SUGCT: variants seen among roughly 807,000 people sequenced by gnomAD.
The protein encoded by SUGCT is succinyl-CoA:glutarate CoA-transferase.
A neutral mutation model predicts 55.0 loss-of-function variants in SUGCT; 41 were observed. That is an observed-to-expected ratio of 0.74 (90% CI 0.58 to 0.97). The LOEUF (loss-of-function observed/expected upper bound fraction) is 0.97, where lower values mean the gene tolerates loss of function less well. Among genes scored for constraint, SUGCT ranks in the 50% least tolerant of loss-of-function variants. The pLI is 0.00. For missense variants in SUGCT, 568 were observed against 547.8 expected, an observed-to-expected ratio of 1.04 and a Z score of -0.37; for synonymous variants, 187 against 200.4, an observed-to-expected ratio of 0.93 and a Z score of 0.56.
intron 12 of SUGCT, chr7:40,546,719 G>A (rs570710194): frequency 6.6e-6 from 1 of 152,220 alleles, no homozygotes; most frequent in Admixed American, 6.5e-5. Flanking sequence ...CTTACCCCAG[G>A]GCATAGTAGC....
chr7:40,291,944 C>A (rs1377103915), intron 8 of SUGCT, among the ~76,000 whole-genome samples: 1 of 152,138 alleles, frequency 6.6e-6, no homozygotes, highest in East Asian at 1.9e-4. Flanking sequence ...CCAGAAGGAA[C>A]CAGCTTTGTC....
intron 9 of SUGCT, among the ~76,000 whole-genome samples, chr7:40,335,933 A>C (rs1200094021): frequency 2.0e-5 from 3 of 152,132 alleles, no homozygotes; most frequent in Non-Finnish European, 4.4e-5. Context: ...TCAATACCTA[A>C]TTTATTGAGA....
chr7:40,289,928 C>T (rs1793627650), intron 8 of SUGCT, among the ~76,000 whole-genome samples: 1 of 152,090 alleles, frequency 6.6e-6, no homozygotes, highest in Non-Finnish European at 1.5e-5. Flanking sequence ...GAATAAAATA[C>T]CTAGGAATCC....
chr7:40,138,071 C>T (rs1183763255), intron 1 of SUGCT, among the ~76,000 whole-genome samples: 1 of 152,134 alleles, frequency 6.6e-6, no homozygotes, highest in Non-Finnish European at 1.5e-5. Context: ...AAGTCAGGGC[C>T]TTCAGTGCAT....
chr7:40,987,910 C>T, the SUGCT span, among the ~76,000 whole-genome samples: 2 of 151,928 alleles, frequency 1.3e-5, no homozygotes, highest in Non-Finnish European at 2.9e-5. Context: ...ATTCTTAAAA[C>T]GTAGTGGTTG....
intron 12 of SUGCT, among the ~76,000 whole-genome samples, chr7:40,646,916 A>G (rs1013307890): frequency 1.3e-5 from 2 of 152,180 alleles, no homozygotes; most frequent in Non-Finnish European, 2.9e-5. Context: ...TGAATGAATC[A>G]GGGTGAGCAG....
At chr7:40,539,002 C>T (rs1355270726) in intron 12 of SUGCT, 4 of 151,772 alleles carry the variant, frequency 2.6e-5, no homozygotes, top group Admixed American at 1.3e-4. Flanking sequence ...TGGCGTGAAC[C>T]CGGGAGGCAG....
intron 13 of SUGCT, among the ~76,000 whole-genome samples, chr7:40,823,352 G>A (rs1288843014): frequency 6.6e-6 from 1 of 151,992 alleles, no homozygotes; most frequent in East Asian, 1.9e-4. Context: ...GGTTAAGACT[G>A]TCTCTACTAC....
chr7:40,530,844 G>GT (rs955487258), intron 12 of SUGCT, among the ~76,000 whole-genome samples: 1 of 152,124 alleles, frequency 6.6e-6, no homozygotes, highest in Non-Finnish European at 1.5e-5. Context: ...TTAAACATTG[G>GT]TTTTTTTGTT....
At chr7:40,787,427 G>C (rs1011673442) in intron 13 of SUGCT, among the ~76,000 whole-genome samples, 3 of 151,868 alleles carry the variant, frequency 2.0e-5, no homozygotes, top group African/African-American at 7.3e-5. Context: ...TCTGGGTTTA[G>C]GGACACTAAA....
At chr7:40,473,949 C>G (rs907490478) in intron 11 of SUGCT, among the ~76,000 whole-genome samples, 1 of 151,998 alleles carries the variant, frequency 6.6e-6, no homozygotes, top group African/African-American at 2.4e-5. Flanking sequence ...CTCCCCCATT[C>G]TTTTACCATT....
At chr7:40,936,167 T>C in the SUGCT span, among the ~76,000 whole-genome samples, 1 of 152,040 alleles carries the variant, frequency 6.6e-6, no homozygotes, top group Non-Finnish European at 1.5e-5. Context: ...CATTAATTAT[T>C]TAAATGTTCA....
At chr7:40,784,580 T>C (rs981101109) in intron 13 of SUGCT, among the ~76,000 whole-genome samples, 6 of 152,182 alleles carry the variant, frequency 3.9e-5, no homozygotes, top group Admixed American at 1.3e-4. Flanking sequence ...CTTTGATCCC[T>C]TTCCAGTTCA....
At chr7:40,659,852 G>T (rs1801216206) in intron 12 of SUGCT, among the ~76,000 whole-genome samples, 1 of 152,102 alleles carries the variant, frequency 6.6e-6, no homozygotes, top group African/African-American at 2.4e-5. Context: ...ATACAATAGT[G>T]TACAGTATAG....
intron 12 of SUGCT, among the ~76,000 whole-genome samples, chr7:40,734,646 A>AT (rs989057352): frequency 1.7e-4 from 25 of 147,886 alleles, no homozygotes; most frequent in South Asian, 1.5e-3. Flanking sequence ...ATCCATGTGC[A>AT]TTTTTTTTTT....
At chr7:40,909,023 A>G in the SUGCT span, among the ~76,000 whole-genome samples, 1 of 152,120 alleles carries the variant, frequency 6.6e-6, no homozygotes, top group Non-Finnish European at 1.5e-5. Context: ...AAATACCCCC[A>G]AGACTATCTC....
chr7:40,421,462 A>G (rs1440481913), intron 9 of SUGCT, among the ~76,000 whole-genome samples: 1 of 152,154 alleles, frequency 6.6e-6, no homozygotes, highest in East Asian at 1.9e-4. Flanking sequence ...ATCCAAGCTC[A>G]GCATCCCTTT....
chr7:40,670,987 A>G (rs1345487458), intron 12 of SUGCT, among the ~76,000 whole-genome samples: 1 of 152,230 alleles, frequency 6.6e-6, no homozygotes, highest in Non-Finnish European at 1.5e-5. Flanking sequence ...TATAGAAGCA[A>G]AAATACTTAA....
chr7:40,272,949 C>T (rs989246907), intron 7 of SUGCT, among the ~76,000 whole-genome samples: 2 of 151,926 alleles, frequency 1.3e-5, no homozygotes, highest in East Asian at 1.9e-4. Context: ...TGTGAGCCAC[C>T]GTGCCCAGCC....
Sources: gnomAD v4.1 joint callset for allele counts (sites outside exome capture counted in the v4.1 genomes callset) on GRCh38, gnomAD v4.1.1 for gene constraint, MANE v1.5 for transcripts, NCBI Gene and HGNC (gene_info 2026-07-23, HGNC 2026-07-21) for gene names.